Variants in TGFBR3 observed in about 807,000 individuals in gnomAD.
The protein encoded by TGFBR3 is transforming growth factor beta receptor 3.
TGFBR3 carries 46 observed loss-of-function variants against 87.9 expected under a neutral mutation model. That is an observed-to-expected ratio of 0.52 (90% CI 0.41 to 0.67). The LOEUF is 0.67. Among genes scored for constraint, TGFBR3 ranks in the 30% least tolerant of loss-of-function variants. The pLI is 0.00. For missense variants in TGFBR3, 866 were observed against 1,041.9 expected (o/e 0.83, Z 2.32); for synonymous variants, 381 against 391.6 (o/e 0.97, Z 0.32).
chr1:91,861,760 TGCAAAATAGCACTCAA>T, intron 1 of TGFBR3, 116 bp from the exon 2 acceptor site: 1 of 559,170 alleles, frequency 1.8e-6, no homozygotes, highest in Admixed American at 2.9e-5. Flanking sequence ...TCTTAAAAGA[TGCAAAATAGCACTCAA>T]GCAAACTAGA....
chr1:91,848,934 CT>C (rs1256636178), intron 2 of TGFBR3, among the ~76,000 whole-genome samples: 5 of 152,194 alleles, frequency 3.3e-5, no homozygotes, highest in Admixed American at 6.5e-5. Flanking sequence ...TAAGACTCAG[CT>C]TTTTCAGTTC....
chr1:91,744,907 A>T (rs1254740522), intron 4 of TGFBR3, among the ~76,000 whole-genome samples: 1 of 152,210 alleles, frequency 6.6e-6, no homozygotes, highest in African/African-American at 2.4e-5. Flanking sequence ...ACATCTCAAA[A>T]GGAAGAAATG....
chr1:91,688,347 G>A (rs1311600309), intron 16 of TGFBR3, among the ~76,000 whole-genome samples: 1 of 152,172 alleles, frequency 6.6e-6, no homozygotes, highest in Non-Finnish European at 1.5e-5. Flanking sequence ...AAGAGGGAAA[G>A]AGAAATCAGG....
chr1:91,738,352 G>A (rs544298626), intron 4 of TGFBR3, among the ~76,000 whole-genome samples: 1 of 152,292 alleles, frequency 6.6e-6, no homozygotes, highest in African/African-American at 2.4e-5. Flanking sequence ...CATGTTGAAT[G>A]GTAACCCCCA....
intron 3 of TGFBR3, among the ~76,000 whole-genome samples, chr1:91,784,193 A>T (rs185029450): frequency 5.5e-4 from 84 of 152,356 alleles, no homozygotes; most frequent in African/African-American, 1.7e-3. Flanking sequence ...AGATTTAATT[A>T]AAAAAGTAAA....
chr1:91,773,623 G>A (rs575095161), intron 3 of TGFBR3, among the ~76,000 whole-genome samples: 22 of 152,272 alleles, frequency 1.4e-4, no homozygotes, highest in Admixed American at 2.6e-4. Context: ...CAGAGGTTGC[G>A]GTGAGCCGAG....
chr1:91,824,208 GA>G (rs769793737), intron 2 of TGFBR3, among the ~76,000 whole-genome samples: 1 of 151,952 alleles, frequency 6.6e-6, no homozygotes, highest in Non-Finnish European at 1.5e-5. Context: ...GATTTTAAAA[GA>G]AAAAAAGAGT....
chr1:91,682,398 G>A lies in TGFBR3; in HGVS notation c.*1341C>T. 4.8e-6 allele frequency: 2 copies of A among 419,360 alleles called. No individual in the cohort carries two copies. Among genetic ancestry groups the A allele is most frequent in the Non-Finnish European group, 9.1e-6 (2 of 218,650 alleles). The allele number at this position is 419,360 out of a possible 1,614,324, so 26.0% of individuals were successfully genotyped here. On this transcript the variant is annotated 3_prime_UTR_variant, in exon 17 of 17. Transcript: ENST00000212355. ...TAATTTAGCATGATAATTCCCCCCT[G>A]GCATTCTTTTTTTTTTTTTTTTTTT...
Position 91,861,554 on chromosome 1 carries a change from C to T in TGFBR3, c.-23G>A. 1.2e-6 allele frequency: 2 copies of T among 1,601,906 alleles called. No individual in the cohort carries two copies. The highest frequency in any genetic ancestry group is 2.2e-5 in the South Asian group (2 of 90,838). ...CATTTTTATTTCTCCAACAGTGCGT[C>T]TCGTCCAGTCACTTCAGCCTGCTCA... On this transcript the variant is annotated 5_prime_UTR_variant, in exon 2 of 17. Transcript: ENST00000212355.
rs1360550704 is a variant in TGFBR3, at chr1:91,694,239, C to T, written c.2437+1433G>A. Among the ~76,000 whole-genome samples, 11 of 152,260 alleles carry T rather than the reference C, an allele frequency of 7.2e-5. No individual in the cohort carries two copies. In the East Asian group the frequency reaches 9.7e-4, roughly 13 times the overall value. On this transcript the variant is annotated intron_variant, in intron 16 of 16. Coordinates refer to ENST00000212355, the MANE Select transcript of TGFBR3 (RefSeq NM_003243.5). ...AACTCCTGGGCTCAAGTGATCCTCC[C>T]GCCCCTGCCTCCCAAAATGCTAGGA...
chr1:91,751,172 TG>T (rs1673527266), intron 4 of TGFBR3, among the ~76,000 whole-genome samples: 1 of 151,830 alleles, frequency 6.6e-6, no homozygotes, highest in Admixed American at 6.6e-5. Context: ...AACATGGGGG[TG>T]GGGGAACTGC....
chr1:91,830,291 C>T (rs759724493), intron 2 of TGFBR3, among the ~76,000 whole-genome samples: 9 of 152,270 alleles, frequency 5.9e-5, no homozygotes, highest in East Asian at 1.9e-4. Flanking sequence ...TACAGGCAAT[C>T]GGGACTTGGT....
At chr1:91,829,246 C>T (rs565389690) in intron 2 of TGFBR3, among the ~76,000 whole-genome samples, 5 of 152,062 alleles carry the variant, frequency 3.3e-5, no homozygotes, top group South Asian at 4.2e-4. Context: ...TGTGGTGGCA[C>T]GCACCTGTAA....
intron 3 of TGFBR3, among the ~76,000 whole-genome samples, chr1:91,772,099 A>T (rs1301753824): frequency 6.6e-6 from 1 of 152,222 alleles, no homozygotes; most frequent in Non-Finnish European, 1.5e-5. Context: ...TACTGGAGCC[A>T]GATCACAATG....
intron 1 of TGFBR3, among the ~76,000 whole-genome samples, chr1:91,862,337 T>G (rs979656215): frequency 9.9e-5 from 15 of 152,122 alleles, no homozygotes; most frequent in Non-Finnish European, 2.1e-4. Context: ...AGAGACTCAA[T>G]CTAATGTTAT....
intron 16 of TGFBR3, among the ~76,000 whole-genome samples, chr1:91,692,463 A>G (rs1276588975): frequency 2.0e-5 from 3 of 152,212 alleles, no homozygotes; most frequent in Admixed American, 2.0e-4. Flanking sequence ...TGATGAAGCT[A>G]AAAAGTTTTA....
At chr1:91,775,197 C>T (rs1674525884) in intron 3 of TGFBR3, among the ~76,000 whole-genome samples, 1 of 152,194 alleles carries the variant, frequency 6.6e-6, no homozygotes, top group Admixed American at 6.5e-5. Context: ...ACACGGACTC[C>T]CCAAGTCTTC....
At chr1:91,769,073 G>C (rs1674283403) in intron 3 of TGFBR3, among the ~76,000 whole-genome samples, 1 of 152,092 alleles carries the variant, frequency 6.6e-6, no homozygotes, top group Non-Finnish European at 1.5e-5. Context: ...CTAGGGCCTC[G>C]AGGATGTTAA....
At chr1:91,835,860 C>T in intron 2 of TGFBR3, among the ~76,000 whole-genome samples, 1 of 131,754 alleles carries the variant, frequency 7.6e-6, no homozygotes, top group South Asian at 2.5e-4. Context: ...AAAAAGCCAA[C>T]ATACCACTAG....
Sources: allele counts gnomAD v4.1 joint callset (sites outside exome capture counted in the v4.1 genomes callset), GRCh38; gene constraint gnomAD v4.1.1; transcripts MANE v1.5; gene names NCBI Gene and HGNC (gene_info 2026-07-23, HGNC 2026-07-21).